The following COX7B2 variants were observed in gnomAD, a reference collection of about 807,000 sequenced individuals.
COX7B2 encodes cytochrome c oxidase subunit 7B2, also known as cytochrome c oxidase subunit 7B2, mitochondrial.
For synonymous variants in COX7B2, 37 were observed against 32.1 expected (o/e 1.15, Z -0.51); for missense variants, 109 against 95.9 (o/e 1.14, Z -0.57).
At chr4:46,854,522 T>C (rs1021323775) in intron 1 of COX7B2, among the ~76,000 whole-genome samples, 8 of 152,172 alleles carry the variant, frequency 5.3e-5, no homozygotes, top group African/African-American at 1.9e-4. Flanking sequence ...GAAAGTTCTA[T>C]TGGGCAGCAC....
intron 1 of COX7B2, among the ~76,000 whole-genome samples, chr4:46,854,483 T>C (rs1440710878): frequency 2.0e-5 from 3 of 152,212 alleles, no homozygotes; most frequent in African/African-American, 7.2e-5. Context: ...ATAACTGCAT[T>C]GCACAATGCA....
intron 2 of COX7B2, among the ~76,000 whole-genome samples, chr4:46,748,921 T>C (rs1237137596): frequency 6.6e-6 from 1 of 152,182 alleles, no homozygotes; most frequent in Non-Finnish European, 1.5e-5. Flanking sequence ...GACTCCCACG[T>C]TATATCTGCA....
At chr4:46,740,790 TTAG>T (rs1430457214) in intron 2 of COX7B2, among the ~76,000 whole-genome samples, 2 of 152,212 alleles carry the variant, frequency 1.3e-5, no homozygotes, top group South Asian at 4.1e-4. Context: ...TCAGATCAAT[TTAG>T]TAAGTAAGTT....
intron 2 of COX7B2, among the ~76,000 whole-genome samples, chr4:46,759,303 G>A (rs1287414730): frequency 2.0e-5 from 3 of 151,778 alleles, no homozygotes; most frequent in African/African-American, 4.8e-5. Context: ...TCAACTATGA[G>A]GAAAATATAT....
intron 2 of COX7B2, among the ~76,000 whole-genome samples, chr4:46,736,443 A>G (rs1714368237): frequency 6.6e-6 from 1 of 152,036 alleles, no homozygotes; most frequent in Non-Finnish European, 1.5e-5. Context: ...TGGTGTGGTG[A>G]TCTGGTTTCA....
intron 2 of COX7B2, among the ~76,000 whole-genome samples, chr4:46,768,232 T>C (rs914086067): frequency 1.3e-5 from 2 of 152,204 alleles, no homozygotes; most frequent in African/African-American, 4.8e-5. Flanking sequence ...GAGATTTTAC[T>C]GAGCGATGGA....
intron 1 of COX7B2, among the ~76,000 whole-genome samples, chr4:46,863,542 A>C (rs1717462507): frequency 6.6e-6 from 1 of 152,186 alleles, no homozygotes; most frequent in Non-Finnish European, 1.5e-5. Flanking sequence ...ATTTGCTCTT[A>C]ATAAAATTAC....
At chr4:46,740,358 T>C (rs1301951076) in intron 2 of COX7B2, among the ~76,000 whole-genome samples, 1 of 152,140 alleles carries the variant, frequency 6.6e-6, no homozygotes, top group Non-Finnish European at 1.5e-5. Flanking sequence ...TTATTTGTTG[T>C]ATAGTTTGTT....
chr4:46,900,090 T>A (rs903166534), intron 1 of COX7B2, among the ~76,000 whole-genome samples: 8 of 152,204 alleles, frequency 5.3e-5, no homozygotes, highest in Non-Finnish European at 2.9e-5. Context: ...GAGCTAACTG[T>A]TCTGATCCAA....
chr4:46,779,923 GAAT>G (rs1210185959), intron 2 of COX7B2, among the ~76,000 whole-genome samples: 2 of 152,048 alleles, frequency 1.3e-5, no homozygotes, highest in Non-Finnish European at 1.5e-5. Context: ...TCACTATAGT[GAAT>G]AATATTATAT....
intron 1 of COX7B2, among the ~76,000 whole-genome samples, chr4:46,845,262 C>T (rs1301047080): frequency 6.6e-6 from 1 of 151,910 alleles, no homozygotes; most frequent in Non-Finnish European, 1.5e-5. Context: ...AGTCTTTAAA[C>T]TTTTCTCAAC....
rs936594705 is a variant in COX7B2, at chr4:46,837,728, A to G, written c.-50+7232T>C. ...ATAAGGATAAGATAACACTTTTAGAAAACTAATAGCAATTAAATATCCCTG... is the reference window on the plus strand; with the variant it reads ...ATAAGGATAAGATAACACTTTTAGAGAACTAATAGCAATTAAATATCCCTG... On this transcript the variant is annotated intron_variant, in intron 2 of 2. Transcript: ENST00000355591. Among the ~76,000 whole-genome samples the G allele has an allele frequency of 4.6e-5, 7 of 152,092 alleles. 1 individual carries two copies. Among genetic ancestry groups the G allele is most frequent in the African/African-American group, 1.7e-4 (7 of 41,436 alleles).
Position 46,761,527 on chromosome 4 carries a change from G to A in COX7B2, c.-49-26286C>T, listed in dbSNP as rs566095191. 3.3e-4 allele frequency among the ~76,000 whole-genome samples: 50 copies of A among 152,166 alleles called. No homozygotes were observed. In the South Asian group the frequency reaches 6.2e-3, roughly 19 times the overall value. On this transcript the variant is annotated intron_variant, in intron 2 of 2. Coordinates refer to ENST00000355591, the MANE Select transcript of COX7B2 (RefSeq NM_130902.3). The stretch of plus-strand genomic sequence containing the variant: ...GCTGAACTGTTCCTGTTTCTGTTAC[G>A]GTAACATTCTTTCTTTCTGAGGAAG...
At chr4:46,889,709 G>A (rs949986599) in intron 1 of COX7B2, among the ~76,000 whole-genome samples, 1 of 152,126 alleles carries the variant, frequency 6.6e-6, no homozygotes, top group East Asian at 1.9e-4. Flanking sequence ...AGGGCAAAAA[G>A]TCAAATTCTC....
intron 2 of COX7B2, among the ~76,000 whole-genome samples, chr4:46,802,568 A>G (rs1718713555): frequency 6.6e-6 from 1 of 152,082 alleles, no homozygotes; most frequent in South Asian, 2.1e-4. Flanking sequence ...TTCCAGAAAC[A>G]TTGCTCTCAT....
At chr4:46,735,834 C>T (rs1714331156) in intron 2 of COX7B2, among the ~76,000 whole-genome samples, 1 of 152,080 alleles carries the variant, frequency 6.6e-6, no homozygotes, top group African/African-American at 2.4e-5. Context: ...TAACACTTAA[C>T]ATTGAGGAAT....
intron 1 of COX7B2, among the ~76,000 whole-genome samples, chr4:46,873,437 C>T (rs1014719642): frequency 4.6e-5 from 7 of 152,164 alleles, no homozygotes; most frequent in Non-Finnish European, 1.0e-4. Context: ...TACACTCCCA[C>T]CAACACTGTA....
chr4:46,899,271 T>A (rs114395260), intron 1 of COX7B2, among the ~76,000 whole-genome samples: 1,664 of 152,292 alleles, frequency 0.011, 27 homozygotes, highest in African/African-American at 0.038. Flanking sequence ...CAAGCTAGAT[T>A]TCAGTACCCA....
At chr4:46,791,935 T>C (rs900976329) in intron 2 of COX7B2, among the ~76,000 whole-genome samples, 1 of 152,206 alleles carries the variant, frequency 6.6e-6, no homozygotes, top group Non-Finnish European at 1.5e-5. Flanking sequence ...TTTTTGATTC[T>C]GGGGTTTATA....
Sources: gnomAD v4.1 joint callset for allele counts (sites outside exome capture counted in the v4.1 genomes callset) on GRCh38, gnomAD v4.1.1 for gene constraint, MANE v1.5 for transcripts, NCBI Gene and HGNC (gene_info 2026-07-23, HGNC 2026-07-21) for gene names.